CLPP: variants seen among roughly 807,000 people sequenced by gnomAD.
CLPP encodes the protein caseinolytic mitochondrial matrix peptidase proteolytic subunit.
A neutral mutation model predicts 27.4 loss-of-function variants in CLPP; 14 were observed. The ratio of observed to expected loss-of-function variants is 0.51; its 90% CI spans 0.34 to 0.80. The LOEUF is 0.80. Ranked by LOEUF, CLPP falls within the 30% of genes least tolerant of loss-of-function variation. The pLI is 0.02. For missense variants in CLPP, 361 were observed against 403.6 expected, an observed-to-expected ratio of 0.89 and a Z score of 0.90; for synonymous variants, 193 against 166.6, an observed-to-expected ratio of 1.16 and a Z score of -1.22.
rs779446991 is a variant in CLPP, at chr19:6,361,613, G to A, written c.39G>A (p.Ala13=). The A allele has an allele frequency of 5.6e-6, 8 of 1,418,340 alleles. No homozygotes were observed. In the Admixed American group the frequency reaches 2.1e-4, roughly 38 times the overall value. 87.9% of individuals were successfully genotyped at this position (1,418,340 alleles called of 1,614,324 possible). The change falls in exon 1 of 6, where the codon GCG becomes GCA. Residue 13 remains alanine (A), a synonymous_variant. Transcript: ENST00000245816. The part of the protein sequence containing the change: ...PGILVGGARV[A]SCRYPALGPR... ...TATTGGTAGGGGGGGCCCGGGTGGCGTCATGCAGGTACCCCGCGCTGGGGC... is the reference window on the plus strand; with the variant it reads ...TATTGGTAGGGGGGGCCCGGGTGGCATCATGCAGGTACCCCGCGCTGGGGC...
chr19:6,362,380 C>G, intron 2 of CLPP, 66 bp from the exon 3 acceptor site: 3 of 1,148,366 alleles, frequency 2.6e-6, no homozygotes, highest in Non-Finnish European at 4.0e-6. Context: ...TGACCCATCC[C>G]CAGCCTCCCT....
In CLPP at chr19:6,364,573, C is replaced by G; in HGVS notation, c.489C>G (p.Thr163=). The G allele has an allele frequency of 6.2e-7, 1 of 1,612,962 alleles. No individual in the cohort carries two copies. The highest frequency in any genetic ancestry group is 8.5e-7 in the Non-Finnish European group (1 of 1,179,858). Residue 163 remains threonine, a synonymous_variant, in exon 4 of 6, where the codon ACC becomes ACG. Coordinates refer to ENST00000245816, the MANE Select transcript of CLPP (RefSeq NM_006012.4). ...GCTCCCTGCTTCTCGCCGCCGGCACCCCAGGCATGCGCCACTCGCTCCCCA... is the reference window on the plus strand; with the variant it reads ...GCTCCCTGCTTCTCGCCGCCGGCACGCCAGGCATGCGCCACTCGCTCCCCA... ...SMGSLLLAAG[T]PGMRHSLPNS...
At position 6,361,783 on chromosome 19, in the gene CLPP, C is replaced by T. The variant is rs747349672; in HGVS notation, c.198+11C>T. On this transcript the variant is annotated intron_variant, in intron 1 of 5. Coordinates refer to ENST00000245816, the MANE Select transcript of CLPP (RefSeq NM_006012.4). ...GTGGTGGAGCAGACGGTACGGCGGCCGGGCGGGGACACGGTTCGGGGGCTC... is the reference window on the plus strand; with the variant it reads ...GTGGTGGAGCAGACGGTACGGCGGCTGGGCGGGGACACGGTTCGGGGGCTC... 2.3e-5 allele frequency: 33 copies of T among 1,421,350 alleles called. 1 individual carries two copies. The highest frequency in any genetic ancestry group is 2.1e-4 in the East Asian group (7 of 33,544). 88.0% of individuals were successfully genotyped at this position (1,421,350 alleles called of 1,614,324 possible).
rs1333406648 is a variant in CLPP at position 6,361,935 on chromosome 19, G to A, written c.265G>A (p.Gly89Ser). 1 of 1,597,492 alleles carries A rather than the reference G, an allele frequency of 6.3e-7. No individual in the cohort carries two copies. Among genetic ancestry groups the A allele is most frequent in the East Asian group, 2.2e-5 (1 of 44,768 alleles). The stretch of plus-strand genomic sequence containing the variant: ...GCGGGAGCGCATCGTGTGCGTCATG[G>A]GCCCGGTGAGCGCCCCGCGCCGGGA... ...LLRERIVCVM[G>S]PIDDSVASLV... Residue 89 changes from glycine (G) to serine (S), a missense_variant, in exon 2 of 6, where the codon GGC (glycine) becomes AGC (serine). Gly to Ser is a moderately conservative substitution (Grantham distance 56, BLOSUM62 0). This residue lies in a region of CLPP where 213 missense variants were observed against 280.9 expected (regional missense o/e 0.76). Coordinates refer to ENST00000245816, the MANE Select transcript of CLPP (RefSeq NM_006012.4).
Position 6,366,362 on chromosome 19 carries a change from C to A in CLPP, c.660C>A (p.Ile220=). The A allele has an allele frequency of 1.2e-6, 2 of 1,604,382 alleles. No individual in the cohort carries two copies. The highest frequency in any genetic ancestry group is 1.7e-6 in the Non-Finnish European group (2 of 1,173,200). Residue 220 remains isoleucine, a splice_region_variant and synonymous_variant, in exon 5 of 6, where the codon ATC becomes ATA. Coordinates refer to ENST00000245816, the MANE Select transcript of CLPP (RefSeq NM_006012.4). ...AKHTKQSLQV[I]ESAMERDRYM... ...ACACCAAACAGAGCCTGCAGGTGATCGGTAAGCACCCTCCTTTATTTCATC... is the reference window on the plus strand; with the variant it reads ...ACACCAAACAGAGCCTGCAGGTGATAGGTAAGCACCCTCCTTTATTTCATC...
intron 5 of CLPP, among the ~76,000 whole-genome samples, chr19:6,367,790 C>T (rs1206735678): frequency 3.3e-5 from 5 of 151,532 alleles, no homozygotes; most frequent in Non-Finnish European, 7.4e-5. Context: ...GCAGTCTCCA[C>T]CTCCCAGATT....
Position 6,361,706 on chromosome 19 carries a change from G to T in CLPP, c.132G>T (p.Leu44=), listed in dbSNP as rs1398009377. ...GGACACTCCAGAACGGCCTGGCCCT[G>T]CAGCGGTGCCTGCACGCGACGGCGA... The part of the protein sequence containing the change: ...PQRTLQNGLA[L]QRCLHATATR... Residue 44 remains leucine (L), a synonymous_variant, in exon 1 of 6, where the codon CTG becomes CTT. Coordinates refer to ENST00000245816, the MANE Select transcript of CLPP (RefSeq NM_006012.4). 2 of 1,504,134 alleles carry T rather than the reference G, an allele frequency of 1.3e-6. 1 individual carries two copies. Among genetic ancestry groups the T allele is most frequent in the Admixed American group, 4.2e-5 (2 of 47,294 alleles). 93.2% of individuals were successfully genotyped at this position (1,504,134 alleles called of 1,614,324 possible).
rs780741037 is a variant in CLPP at position 6,361,772 on chromosome 19, G to A, written c.198G>A (p.Thr66=). 19 of 1,550,706 alleles carry A rather than the reference G, an allele frequency of 1.2e-5. No homozygotes were observed. Among genetic ancestry groups the A allele is most frequent in the Admixed American group, 1.9e-5 (1 of 53,616 alleles). The change falls in exon 1 of 6, where the codon ACG becomes ACA. Residue 66 remains threonine, a splice_region_variant and synonymous_variant. Coordinates refer to ENST00000245816, the MANE Select transcript of CLPP (RefSeq NM_006012.4). ...LPLIPIVVEQ[T]GRGERAYDIY... ...TCATTCCCATCGTGGTGGAGCAGAC[G>A]GTACGGCGGCCGGGCGGGGACACGG...
chr19:6,368,357 C>T (rs752754025), intron 5 of CLPP, among the ~76,000 whole-genome samples, 181 bp from the exon 6 acceptor site: 2 of 152,056 alleles, frequency 1.3e-5, no homozygotes, highest in Non-Finnish European at 2.9e-5. Context: ...GGCCCCTGAC[C>T]CCATCTCTCC....
chr19:6,362,958 C>T (rs1489761579), intron 3 of CLPP, among the ~76,000 whole-genome samples: 1 of 151,886 alleles, frequency 6.6e-6, no homozygotes, highest in Non-Finnish European at 1.5e-5. Flanking sequence ...GGCAATGTGG[C>T]GTGTGCCTGT....
At position 6,370,055 on chromosome 19, in the gene CLPP, C is replaced by T. The variant is rs1204271051; in HGVS notation, c.*1345C>T. Among the ~76,000 whole-genome samples, 1 of 152,136 alleles carries T rather than the reference C, an allele frequency of 6.6e-6. No homozygotes were observed. The highest frequency in any genetic ancestry group is 1.5e-5 in the Non-Finnish European group (1 of 68,032). ...GTGGGATGTGACAGAGAGCAGTTTC[C>T]AGAAACTCCGAGCTGATGGCCCAAA... On this transcript the variant is annotated 3_prime_UTR_variant, in exon 6 of 6. Transcript: ENST00000245816.
At chr19:6,362,401 TC>T (rs2091840166) in intron 2 of CLPP, 44 bp from the exon 3 acceptor site, 1 of 1,401,306 alleles carries the variant, frequency 7.1e-7, no homozygotes. Context: ...TAAAACTCTC[TC>T]CCCACCCCGA....
At chr19:6,362,357 C>G in intron 2 of CLPP, 89 bp from the exon 3 acceptor site, 2 of 881,936 alleles carry the variant, frequency 2.3e-6, no homozygotes, top group Admixed American at 3.7e-5. Flanking sequence ...TCTGGTCCCC[C>G]TTCCTGGTTC....
chr19:6,364,182 C>T (rs1000841963), intron 3 of CLPP, among the ~76,000 whole-genome samples: 1 of 151,814 alleles, frequency 6.6e-6, no homozygotes, highest in Non-Finnish European at 1.5e-5. Flanking sequence ...AGGCACCCGC[C>T]ACCACGCCCG....
At position 6,361,910 on chromosome 19, in the gene CLPP, G is replaced by A. The variant is rs2091836196; in HGVS notation, c.240G>A (p.Leu80=). Residue 80 remains leucine (L), a synonymous_variant, in exon 2 of 6, where the codon CTG becomes CTA. Coordinates refer to ENST00000245816, the MANE Select transcript of CLPP (RefSeq NM_006012.4). ...CCTATGACATCTACTCGCGGCTGCT[G>A]CGGGAGCGCATCGTGTGCGTCATGG... ...ERAYDIYSRL[L]RERIVCVMGP... is the part of the protein sequence containing the mutation. The A allele has an allele frequency of 4.4e-6, 7 of 1,598,026 alleles. No homozygotes were observed. In the Admixed American group the frequency reaches 8.4e-5, roughly 19 times the overall value.
chr19:6,364,797 C>T (rs2091854209), intron 4 of CLPP, 158 bp downstream of exon 4: 6 of 672,782 alleles, frequency 8.9e-6, no homozygotes, highest in Non-Finnish European at 9.6e-6. Flanking sequence ...GGTGCGATCT[C>T]GGCTCACTGC....
intron 5 of CLPP, among the ~76,000 whole-genome samples, chr19:6,366,949 A>G (rs2091865482): frequency 6.6e-6 from 1 of 151,800 alleles, no homozygotes; most frequent in Admixed American, 6.6e-5. Context: ...ATTAAAATCA[A>G]AAAGTGAGGC....
At chr19:6,362,903 C>T (rs1052517088) in intron 3 of CLPP, among the ~76,000 whole-genome samples, 8 of 151,896 alleles carry the variant, frequency 5.3e-5, no homozygotes, top group Admixed American at 3.9e-4. Context: ...GCCTGGGTAA[C>T]GTAGTGAGAC....
intron 5 of CLPP, among the ~76,000 whole-genome samples, chr19:6,366,762 C>G (rs1243685513): frequency 6.6e-6 from 1 of 151,956 alleles, no homozygotes; most frequent in Non-Finnish European, 1.5e-5. Context: ...CCTCAGCCTC[C>G]TCAGTAGCTG....
Sources: allele counts gnomAD v4.1 joint callset (sites outside exome capture counted in the v4.1 genomes callset), GRCh38; gene constraint gnomAD v4.1.1; regional missense constraint gnomAD v4.1.1; transcripts MANE v1.5; gene names NCBI Gene and HGNC (gene_info 2026-07-23, HGNC 2026-07-21).